The following BRI3 variants were observed in gnomAD, a reference collection of about 807,000 sequenced individuals.
BRI3 encodes brain protein I3.
A neutral mutation model predicts 12.8 loss-of-function variants in BRI3; 6 were observed. The ratio of observed to expected loss-of-function variants is 0.47; its 90% CI spans 0.26 to 0.93. The LOEUF (loss-of-function observed/expected upper bound fraction) is 0.93. Among genes scored for constraint, BRI3 ranks in the 40% least tolerant of loss-of-function variants. The pLI, the probability that BRI3 is intolerant of heterozygous loss-of-function variation, is 0.15. For synonymous variants in BRI3, 91 were observed against 76.1 expected (o/e 1.20, Z -1.02); for missense variants, 134 against 171.1 (o/e 0.78, Z 1.21).
chr7:98,292,355 CCCA>C (rs1011734345), downstream of BRI3: 57 of 394,560 alleles, frequency 1.4e-4, no homozygotes, highest in Non-Finnish European at 1.2e-4. Context: ...CTGAGTGGCG[CCCA>C]CCACCACACC....
chr7:98,320,334 T>C, the BRI3 span: 22 of 1,496,798 alleles, frequency 1.5e-5, no homozygotes, highest in East Asian at 2.7e-4. Flanking sequence ...CGGGAAGCCA[T>C]TGCGTATTTT....
chr7:98,315,314 G>T, downstream of BRI3: 2 of 610,048 alleles, frequency 3.3e-6, no homozygotes, highest in Non-Finnish European at 4.8e-6. Context: ...TTTTTATAGA[G>T]ACAGAGTTTT....
downstream of BRI3, among the ~76,000 whole-genome samples, chr7:98,313,513 GGAAGA>G (rs145145858): frequency 0.024 from 3,688 of 152,138 alleles, 143 homozygotes; most frequent in African/African-American, 0.084. Context: ...CCTCACTCTG[GGAAGA>G]GAAGATTCTA....
chr7:98,304,664 C>T (rs929227928), upstream of BRI3, among the ~76,000 whole-genome samples: 2 of 152,104 alleles, frequency 1.3e-5, no homozygotes, highest in South Asian at 4.1e-4. Flanking sequence ...TCTTCTGCTT[C>T]AGCCTCCTGA....
chr7:98,317,178 G>A, the BRI3 span: 4 of 1,612,266 alleles, frequency 2.5e-6, no homozygotes, highest in Admixed American at 1.7e-5. Context: ...TGTGCAAATT[G>A]TCAACAACAA....
upstream of BRI3, among the ~76,000 whole-genome samples, chr7:98,302,941 T>C (rs529477070): frequency 6.6e-6 from 1 of 152,258 alleles, no homozygotes; most frequent in Non-Finnish European, 1.5e-5. Context: ...TGTGCCACCG[T>C]ACCTGGCTAA....
chr7:98,285,118 G>A (rs998798417), intron 2 of BRI3, among the ~76,000 whole-genome samples: 5 of 152,114 alleles, frequency 3.3e-5, no homozygotes, highest in African/African-American at 7.2e-5. Context: ...TTTAGTTTTG[G>A]GGGTGACCAG....
chr7:98,308,572 C>G lies in BRI3; in HGVS notation n.1202C>G, dbSNP rs918560060. ...GGAACCAGCTAGGGCAGGTTTGTCC[C>G]ATACTCTCTACCCATGAGCACGAGG... On this transcript the variant is annotated non_coding_transcript_exon_variant, in exon 2 of 2. Coordinates refer to the BRI3 transcript ENST00000485422. The G allele has an allele frequency of 2.4e-5, 8 of 332,066 alleles. No homozygotes were observed. In the Admixed American group the frequency reaches 3.1e-4, roughly 13 times the overall value. The allele number at this position is 332,066 out of a possible 1,614,324, so 20.6% of individuals were successfully genotyped here.
At chr7:98,306,666 G>A in intron 1 of BRI3, 4 of 1,141,160 alleles carry the variant, frequency 3.5e-6, no homozygotes, top group Non-Finnish European at 4.9e-6. Context: ...CTTTTAATAG[G>A]TAAATATGGA....
upstream of BRI3, among the ~76,000 whole-genome samples, chr7:98,303,944 C>A (rs1201901004): frequency 6.6e-6 from 1 of 152,212 alleles, no homozygotes; most frequent in Non-Finnish European, 1.5e-5. Context: ...CTAGAGGCGA[C>A]TGTGTGTAAA....
chr7:98,282,378 A>G lies in BRI3; in HGVS notation c.170A>G (p.Tyr57Cys). The change falls in exon 2 of 3, where the codon TAC becomes TGC. Residue 57 changes from tyrosine to cysteine, a missense_variant. Tyr to Cys is a radical substitution (Grantham distance 194). Transcript: ENST00000297290. ...TGIPTHHPRV[Y>C]NIHSRTVTRY... ...ATACCCACCCACCATCCCAGGGTCTACAACATCCACAGCCGGACCGTCACC... is the reference window on the plus strand; with the variant it reads ...ATACCCACCCACCATCCCAGGGTCTGCAACATCCACAGCCGGACCGTCACC... 6.2e-7 allele frequency: 1 copy of G among 1,614,070 alleles called. No individual in the cohort carries two copies. Among genetic ancestry groups the G allele is most frequent in the Non-Finnish European group, 8.5e-7 (1 of 1,179,982 alleles).
At chr7:98,293,582 A>G (rs1800059506), downstream of BRI3, 1 of 1,613,828 alleles carries the variant, frequency 6.2e-7, no homozygotes, top group Non-Finnish European at 8.5e-7. Context: ...CACAGTGGCA[A>G]AGGGGTTTTC....
chr7:98,315,921 G>C, the BRI3 span, among the ~76,000 whole-genome samples: 2 of 152,148 alleles, frequency 1.3e-5, no homozygotes, highest in African/African-American at 4.8e-5. Context: ...ACGGGCTTTG[G>C]AACCAGAAAG....
At chr7:98,316,091 T>A in the BRI3 span, among the ~76,000 whole-genome samples, 2 of 152,186 alleles carry the variant, frequency 1.3e-5, no homozygotes, top group African/African-American at 4.8e-5. Context: ...GTCTTTCCCA[T>A]GCCATTCTTG....
intron 1 of BRI3, chr7:98,306,689 C>CATTGTTCAGTGTATG: frequency 3.2e-6 from 3 of 948,594 alleles, no homozygotes; most frequent in Non-Finnish European, 4.6e-6. Context: ...TTCACATACA[C>CATTGTTCAGTGTATG]TGAACAATGT....
chr7:98,313,064 G>A (rs1169211410), downstream of BRI3, among the ~76,000 whole-genome samples: 1 of 151,510 alleles, frequency 6.6e-6, no homozygotes, highest in African/African-American at 2.4e-5. Context: ...AGTGGTGGGG[G>A]GCTGATGTCA....
At chr7:98,285,861 C>G (rs1449854481) in intron 2 of BRI3, among the ~76,000 whole-genome samples, 1 of 152,164 alleles carries the variant, frequency 6.6e-6, no homozygotes, top group Non-Finnish European at 1.5e-5. Context: ...GGGGCCACCT[C>G]GCCCTGCGCT....
At chr7:98,316,487 C>T in the BRI3 span, among the ~76,000 whole-genome samples, 1 of 152,140 alleles carries the variant, frequency 6.6e-6, no homozygotes, top group African/African-American at 2.4e-5. Context: ...CTCAGGGAAA[C>T]TCTACAGCCT....
chr7:98,294,246 G>T (rs1177918030), downstream of BRI3: 2 of 840,558 alleles, frequency 2.4e-6, no homozygotes, highest in South Asian at 3.2e-5. Flanking sequence ...TTCCACCTTG[G>T]CCTCCTAATG....
Sources: gnomAD v4.1 joint callset for allele counts (sites outside exome capture counted in the v4.1 genomes callset) on GRCh38, gnomAD v4.1.1 for gene constraint, MANE v1.5 for transcripts, NCBI Gene and HGNC (gene_info 2026-07-23, HGNC 2026-07-21) for gene names.